SRPK2: variants seen among roughly 807,000 people sequenced by gnomAD.
SRPK2 encodes the protein SFRS protein kinase 2.
SRPK2 carries 21 observed loss-of-function variants against 90.8 expected under a neutral mutation model. That is an observed-to-expected ratio of 0.23 (90% CI 0.16 to 0.33). The LOEUF (loss-of-function observed/expected upper bound fraction) is 0.33. Ranked by LOEUF, SRPK2 falls within the 10% of genes least tolerant of loss-of-function variation. The pLI, the probability that SRPK2 is intolerant of heterozygous loss-of-function variation, is 1.00. For synonymous variants in SRPK2, 288 were observed against 311.1 expected (o/e 0.93, Z 0.78); for missense variants, 620 against 869.0 (o/e 0.71, Z 3.60).
At chr7:105,394,739 A>G (rs1406348762) in intron 1 of SRPK2, among the ~76,000 whole-genome samples, 4 of 152,230 alleles carry the variant, frequency 2.6e-5, no homozygotes, top group Admixed American at 1.3e-4. Context: ...CACTGATTCT[A>G]TAGCAGTGAA....
intron 2 of SRPK2, chr7:105,206,466 C>A (rs1415382985): frequency 6.4e-6 from 1 of 157,040 alleles, no homozygotes; most frequent in Non-Finnish European, 1.4e-5. Context: ...TGTGTAGGCA[C>A]TTCTCATTCC....
chr7:105,263,834 C>A (rs868417890), intron 2 of SRPK2, among the ~76,000 whole-genome samples: 1 of 152,022 alleles, frequency 6.6e-6, no homozygotes, highest in Admixed American at 6.6e-5. Flanking sequence ...ATTCCATATA[C>A]GTATCTTCAA....
intron 2 of SRPK2, among the ~76,000 whole-genome samples, chr7:105,365,516 A>C (rs1307291970): frequency 7.0e-6 from 1 of 143,868 alleles, no homozygotes; most frequent in African/African-American, 2.5e-5. Flanking sequence ...AAAATTATAT[A>C]TATATATATA....
At chr7:105,267,985 T>G (rs1359144581) in intron 2 of SRPK2, among the ~76,000 whole-genome samples, 1 of 152,192 alleles carries the variant, frequency 6.6e-6, no homozygotes, top group African/African-American at 2.4e-5. Flanking sequence ...GAATCTCAAT[T>G]TAAGACATCA....
At chr7:105,377,878 A>G (rs1167826805) in intron 2 of SRPK2, among the ~76,000 whole-genome samples, 1 of 152,120 alleles carries the variant, frequency 6.6e-6, no homozygotes, top group African/African-American at 2.4e-5. Context: ...CTGGACACTA[A>G]GTCTAGTGGA....
intron 15 of SRPK2, chr7:105,125,820 A>G (rs1411872090): frequency 3.1e-6 from 4 of 1,292,726 alleles, no homozygotes; most frequent in Non-Finnish European, 4.0e-6. Flanking sequence ...TTTCCCCAAC[A>G]TAGCGTATTT....
intron 9 of SRPK2, 129 bp downstream of exon 9, chr7:105,145,154 T>C: frequency 1.8e-6 from 1 of 542,794 alleles, no homozygotes; most frequent in Non-Finnish European, 2.9e-6. Flanking sequence ...TCTTACCTAT[T>C]TGAGGATACA....
chr7:105,329,405 G>A (rs1229086529), intron 2 of SRPK2, among the ~76,000 whole-genome samples: 2 of 152,080 alleles, frequency 1.3e-5, no homozygotes, highest in Admixed American at 1.3e-4. Context: ...AACAGAAAGA[G>A]CAGGGAAAAC....
intron 3 of SRPK2, among the ~76,000 whole-genome samples, chr7:105,170,898 A>AG (rs1790886157): frequency 9.6e-6 from 1 of 104,286 alleles, no homozygotes; most frequent in Non-Finnish European, 2.1e-5. Context: ...AAAGAAAGAA[A>AG]GAAAGAAAGA....
intron 2 of SRPK2, among the ~76,000 whole-genome samples, chr7:105,364,204 T>C (rs1285541262): frequency 2.0e-5 from 3 of 152,048 alleles, no homozygotes; most frequent in African/African-American, 7.2e-5. Context: ...TAAAATAATT[T>C]TTAATAAAAA....
intron 3 of SRPK2, among the ~76,000 whole-genome samples, chr7:105,176,737 GTA>G (rs879775036): frequency 1.7e-3 from 202 of 119,704 alleles, no homozygotes; most frequent in Non-Finnish European, 2.6e-3. Flanking sequence ...ATGTATGTAT[GTA>G]TGTGTGTATA....
chr7:105,312,724 G>A (rs1291451192), intron 2 of SRPK2, among the ~76,000 whole-genome samples: 1 of 152,114 alleles, frequency 6.6e-6, no homozygotes, highest in Non-Finnish European at 1.5e-5. Flanking sequence ...AATGTGCTAA[G>A]CAAAAGGAAA....
chr7:105,207,082 C>A (rs796104635), intron 2 of SRPK2, among the ~76,000 whole-genome samples: 17 of 152,332 alleles, frequency 1.1e-4, no homozygotes, highest in African/African-American at 4.1e-4. Context: ...AGGTAAATTT[C>A]TCCTAGGGCA....
chr7:105,171,464 T>G (rs1791137997), intron 3 of SRPK2, among the ~76,000 whole-genome samples: 1 of 152,252 alleles, frequency 6.6e-6, no homozygotes, highest in African/African-American at 2.4e-5. Context: ...GTAAAGATGT[T>G]ATTTCTTTTT....
intron 2 of SRPK2, among the ~76,000 whole-genome samples, chr7:105,241,895 C>T (rs1425492723): frequency 6.6e-6 from 1 of 151,956 alleles, no homozygotes; most frequent in African/African-American, 2.4e-5. Flanking sequence ...TGACCATAAA[C>T]GATGAAGAAA....
At chr7:105,162,285 A>G (rs1364563106) in intron 6 of SRPK2, among the ~76,000 whole-genome samples, 1 of 152,140 alleles carries the variant, frequency 6.6e-6, no homozygotes, top group Non-Finnish European at 1.5e-5. Context: ...CAAGTGATCC[A>G]CACACCTTGG....
At chr7:105,336,829 G>T (rs1390385613) in intron 2 of SRPK2, among the ~76,000 whole-genome samples, 3 of 152,140 alleles carry the variant, frequency 2.0e-5, no homozygotes, top group Non-Finnish European at 2.9e-5. Flanking sequence ...TTGAGACAGG[G>T]TCTCGCTCTG....
chr7:105,245,229 A>G (rs1385791323), intron 2 of SRPK2, among the ~76,000 whole-genome samples: 1 of 152,220 alleles, frequency 6.6e-6, no homozygotes. Context: ...TGGAGTGAGA[A>G]GCACTGAGTC....
chr7:105,367,376 C>T (rs1819197122), intron 2 of SRPK2, among the ~76,000 whole-genome samples: 1 of 152,142 alleles, frequency 6.6e-6, no homozygotes, highest in Non-Finnish European at 1.5e-5. Context: ...AATCCTCCCG[C>T]CTCAGCCTCC....
Sources: allele counts gnomAD v4.1 joint callset (sites outside exome capture counted in the v4.1 genomes callset), GRCh38; gene constraint gnomAD v4.1.1; transcripts MANE v1.5; gene names NCBI Gene and HGNC (gene_info 2026-07-23, HGNC 2026-07-21).